The following SYDE1 variants were observed in gnomAD, a reference collection of about 807,000 sequenced individuals.
The protein encoded by SYDE1 is rho GTPase-activating protein SYDE1.
A neutral mutation model predicts 63.3 loss-of-function variants in SYDE1; 34 were observed. That is an observed-to-expected ratio of 0.54 (90% CI 0.41 to 0.71). The LOEUF (loss-of-function observed/expected upper bound fraction) is 0.71. Among genes scored for constraint, SYDE1 ranks in the 30% least tolerant of loss-of-function variants. SYDE1 has a pLI of 0.00. For synonymous variants in SYDE1, 467 were observed against 473.4 expected (o/e 0.99, Z 0.18); for missense variants, 925 against 1,042.5 (o/e 0.89, Z 1.55).
In SYDE1 at chr19:15,109,607, A is replaced by G; in HGVS notation, c.431-97A>G. ...TCACACCCTCCTCCCCGCCAGGGGA[A>G]CACCAGCCTCACACTCCTTCCCTTC... is the stretch of plus-strand genomic sequence containing the variant. On this transcript the variant is annotated intron_variant, in intron 2 of 7. Coordinates refer to ENST00000342784, the MANE Select transcript of SYDE1 (RefSeq NM_033025.6). This position sits in a 1 kb window ranked among gnomAD's most constrained non-coding sequence, Gnocchi z 5.0. 1.1e-6 allele frequency: 1 copy of G among 883,526 alleles called. No homozygotes were observed. Among genetic ancestry groups the G allele is most frequent in the Non-Finnish European group, 1.7e-6 (1 of 598,664 alleles). The allele number at this position is 883,526 out of a possible 1,614,324, so 54.7% of individuals were successfully genotyped here. A position where few individuals can be genotyped will look rare whatever the true frequency, so the allele number is the denominator to read the frequency against.
Position 15,114,507 on chromosome 19 carries a change from T to C in SYDE1, c.*544T>C, listed in dbSNP as rs763814764. 6 of 157,270 alleles carry C rather than the reference T, an allele frequency of 3.8e-5. No homozygotes were observed. Among genetic ancestry groups the C allele is most frequent in the Non-Finnish European group, 7.0e-5 (5 of 71,092 alleles). 9.7% of individuals were successfully genotyped at this position (157,270 alleles called of 1,614,324 possible). On this transcript the variant is annotated 3_prime_UTR_variant, in exon 8 of 8. Transcript: ENST00000342784. ...GGACACAGGGGTAGCCTGGGGCTTA[T>C]AGAGAAACAGCTGGTTTCCCCTACC...
Position 15,113,640 on chromosome 19 carries a change from G to A in SYDE1, c.1885G>A (p.Ala629Thr). Residue 629 changes from alanine to threonine, a missense_variant, in exon 8 of 8, where the codon GCA becomes ACA. Physicochemically the swap from Ala to Thr is moderately conservative, Grantham distance 58. Around this residue, in one of 3 missense-constraint regions of SYDE1, gnomAD observed 255 missense variants for 255.9 expected, o/e 1.00. Transcript: ENST00000342784. ...KRQPPLHLPL[A>T]DPEVVTRPRG... ...ACAGCCACCTCTGCACCTGCCGCTG[G>A]CAGACCCCGAAGTGGTGACTCGGCC... is the stretch of plus-strand genomic sequence containing the variant. 6.2e-7 allele frequency: 1 copy of A among 1,611,882 alleles called. No individual in the cohort carries two copies. The highest frequency in any genetic ancestry group is 8.5e-7 in the Non-Finnish European group (1 of 1,179,030).
At position 15,114,676 on chromosome 19, in the gene SYDE1, G is replaced by A. The variant is rs2046373500; in HGVS notation, c.*713G>A. On this transcript the variant is annotated 3_prime_UTR_variant, in exon 8 of 8. Transcript: ENST00000342784. ...GCACTTAAACCCCTCCCTTTTGGAG[G>A]GGGCCCCCTGAAGCGTCAGGCTGGG... 1 of 141,632 alleles carries A rather than the reference G, an allele frequency of 7.1e-6. No homozygotes were observed. Among genetic ancestry groups the A allele is most frequent in the Non-Finnish European group, 1.5e-5 (1 of 66,906 alleles). 8.8% of individuals were successfully genotyped at this position (141,632 alleles called of 1,614,324 possible).
Position 15,108,780 on chromosome 19 carries a change from C to A in SYDE1, c.89-276C>A. The A allele has an allele frequency of 2.6e-6, 1 of 385,448 alleles. No homozygotes were observed. The allele number at this position is 385,448 out of a possible 1,614,324, so 23.9% of individuals were successfully genotyped here. ...AGTGGAGACTGGAACGCAGTACCTA[C>A]GGGCCCCAGGAAGCCTGACTTAGAA... is the stretch of plus-strand genomic sequence containing the variant. On this transcript the variant is annotated intron_variant, in intron 1 of 7. Coordinates refer to ENST00000342784, the MANE Select transcript of SYDE1 (RefSeq NM_033025.6). The surrounding 1 kb of genome is among the most constrained non-coding windows in gnomAD (Gnocchi z 4.3).
Position 15,113,562 on chromosome 19 carries a change from C to A in SYDE1, c.1807C>A (p.Pro603Thr). The A allele has an allele frequency of 6.5e-7, 1 of 1,546,222 alleles. No individual in the cohort carries two copies. Among genetic ancestry groups the A allele is most frequent in the Non-Finnish European group, 8.7e-7 (1 of 1,146,378 alleles). Residue 603 changes from proline to threonine, a missense_variant and splice_region_variant, in exon 8 of 8, where the codon CCC (proline) becomes ACC (threonine). Coordinates refer to ENST00000342784, the MANE Select transcript of SYDE1 (RefSeq NM_033025.6). ...TGACCTACCCTGTCTCCCTTCAGAT[C>A]CCCGCCTGCCCCGACAATCTCCAGA... ...LHYLLQSWPD[P>T]RLPRQSPDVA...
Position 15,110,323 on chromosome 19 carries a change from C to T in SYDE1, c.1050C>T (p.Thr350=). 7.0e-7 allele frequency: 1 copy of T among 1,427,890 alleles called. No individual in the cohort carries two copies. The highest frequency in any genetic ancestry group is 9.2e-7 in the Non-Finnish European group (1 of 1,092,434). 88.5% of individuals were successfully genotyped at this position (1,427,890 alleles called of 1,614,324 possible). Residue 350 remains threonine (T), a synonymous_variant, in exon 3 of 8, where the codon ACC becomes ACT. Coordinates refer to ENST00000342784, the MANE Select transcript of SYDE1 (RefSeq NM_033025.6). This position sits in a 1 kb window ranked among gnomAD's most constrained non-coding sequence, Gnocchi z 6.9. ...GGCACCGGCCCTGTGCCCAGGGCAC[C>T]GTGCTGCTGCCCACGGTCTTCCGAG... The part of the protein sequence containing the change: ...VRRHRPCAQG[T]VLLPTVFRGC...
chr19:15,110,136 A>T lies in SYDE1; in HGVS notation c.863A>T (p.Asp288Val), dbSNP rs1195955813. 3 of 1,405,920 alleles carry T rather than the reference A, an allele frequency of 2.1e-6. No homozygotes were observed. The Admixed American group carries it at 9.8e-5, about 46-fold the overall frequency. The allele number at this position is 1,405,920 out of a possible 1,614,324, so 87.1% of individuals were successfully genotyped here. The change falls in exon 3 of 8, where the codon GAC becomes GTC. Residue 288 changes from aspartate to valine, a missense_variant. By Grantham distance (152) the Asp-to-Val change is radical (BLOSUM62 -3). Coordinates refer to ENST00000342784, the MANE Select transcript of SYDE1 (RefSeq NM_033025.6). This position sits in a 1 kb window ranked among gnomAD's most constrained non-coding sequence, Gnocchi z 6.9. ...LRPAPGATPR[D>V]LCCLLQVDGE... ...CCAGCGCCGGGGGCCACCCCCAGGGACCTCTGCTGCCTACTGCAAGTGGAT... is the reference window on the plus strand; with the variant it reads ...CCAGCGCCGGGGGCCACCCCCAGGGTCCTCTGCTGCCTACTGCAAGTGGAT...
In SYDE1 at chr19:15,109,173, G is replaced by A. The variant is rs373565036; in HGVS notation, c.206G>A (p.Arg69Gln). Residue 69 changes from arginine to glutamine, a missense_variant, in exon 2 of 8, where the codon CGG becomes CAG. Physicochemically the swap from Arg to Gln is conservative, Grantham distance 43. Coordinates refer to ENST00000342784, the MANE Select transcript of SYDE1 (RefSeq NM_033025.6). This position sits in a 1 kb window ranked among gnomAD's most constrained non-coding sequence, Gnocchi z 5.0. ...SSPEASRSPA[R>Q]GAYLQSLEPS... is the part of the protein sequence containing the mutation. ...CCCGAGGCATCAAGGAGCCCTGCAC[G>A]GGGAGCCTACCTGCAAAGCCTGGAG... is the stretch of plus-strand genomic sequence containing the variant. 2.3e-5 allele frequency: 35 copies of A among 1,555,530 alleles called. No individual in the cohort carries two copies. Among genetic ancestry groups the A allele is most frequent in the East Asian group, 2.2e-4 (9 of 41,534 alleles).
rs575526773 is a variant in SYDE1 at position 15,114,118 on chromosome 19, C to T, written c.*155C>T. Reference sequence around the variant, plus strand: ...GGACCAGTCGCGTGTATGGCTGAGACTCATTCCCAGTTTCCAGGGCCCGGT... The same window carrying T: ...GGACCAGTCGCGTGTATGGCTGAGATTCATTCCCAGTTTCCAGGGCCCGGT... On this transcript the variant is annotated 3_prime_UTR_variant, in exon 8 of 8. Coordinates refer to ENST00000342784, the MANE Select transcript of SYDE1 (RefSeq NM_033025.6). 498 of 725,280 alleles carry T rather than the reference C, an allele frequency of 6.9e-4. 2 individuals carry two copies. The highest frequency in any genetic ancestry group is 1.7e-3 in the South Asian group (95 of 54,956). The allele number at this position is 725,280 out of a possible 1,614,324, so 44.9% of individuals were successfully genotyped here. A position where few individuals can be genotyped will look rare whatever the true frequency, so the allele number is the denominator to read the frequency against.
Position 15,113,690 on chromosome 19 carries a change from C to T in SYDE1, c.1935C>T (p.Ser645=), listed in dbSNP as rs755179256. Residue 645 remains serine (S), a synonymous_variant, in exon 8 of 8, where the codon AGC becomes AGT. Coordinates refer to ENST00000342784, the MANE Select transcript of SYDE1 (RefSeq NM_033025.6). The part of the protein sequence containing the change: ...TRPRGRGGPE[S]PPSNRYAGDW... ...CCCGCGGTCGAGGAGGCCCCGAAAG[C>T]CCCCCGAGCAACCGCTACGCCGGCG... The T allele has an allele frequency of 1.8e-5, 29 of 1,613,244 alleles. No individual in the cohort carries two copies. The highest frequency in any genetic ancestry group is 8.0e-5 in the African/African-American group (6 of 74,956).
rs1393648783 is a variant in SYDE1, at chr19:15,109,655, C to T, written c.431-49C>T. On this transcript the variant is annotated intron_variant, in intron 2 of 7. Coordinates refer to ENST00000342784, the MANE Select transcript of SYDE1 (RefSeq NM_033025.6). The surrounding 1 kb of genome is among the most constrained non-coding windows in gnomAD (Gnocchi z 5.0). ...TTCAGGGGAGCACCAGCCTCACCCC[C>T]CTCCCCTAAGCCCAGGTTCCTGGAC... The T allele has an allele frequency of 1.7e-6, 2 of 1,193,750 alleles. No homozygotes were observed. Among genetic ancestry groups the T allele is most frequent in the Admixed American group, 2.8e-5 (1 of 35,534 alleles). The allele number at this position is 1,193,750 out of a possible 1,614,324, so 73.9% of individuals were successfully genotyped here. A position where few individuals can be genotyped will look rare whatever the true frequency, so the allele number is the denominator to read the frequency against.
Position 15,109,070 on chromosome 19 carries a change from C to CGCCCAGA in SYDE1, c.110_116dup (p.Ser39ArgfsTer44). 6.7e-7 allele frequency: 1 copy of CGCCCAGA among 1,501,638 alleles called. No individual in the cohort carries two copies. The highest frequency in any genetic ancestry group is 8.9e-7 in the Non-Finnish European group (1 of 1,129,484). The allele number at this position is 1,501,638 out of a possible 1,614,324, so 93.0% of individuals were successfully genotyped here. Reference sequence around the variant, plus strand: ...CTCTCTGCCAGGCCACCCAGCCCAGCGCCCAGAGCCCAGCCCTCCAGAGCC... The same window carrying CGCCCAGA: ...CTCTCTGCCAGGCCACCCAGCCCAGCGCCCAGAGCCCAGAGCCCAGCCCTCCAGAGCC... On this transcript the variant is annotated frameshift_variant, in exon 2 of 8. Transcript: ENST00000342784. LOFTEE classifies it high-confidence loss of function. This position sits in a 1 kb window ranked among gnomAD's most constrained non-coding sequence, Gnocchi z 5.0.
In SYDE1 at chr19:15,110,727, G is replaced by T. The variant is rs1331971647; in HGVS notation, c.1282G>T (p.Gly428Trp). 6.4e-7 allele frequency: 1 copy of T among 1,552,382 alleles called. No homozygotes were observed. Reference sequence around the variant, plus strand: ...GTGCGTTGGGCAGATCGAGCGCCGAGGGCTGCGGGTGAGCACCCACCCCAC... The same window carrying T: ...GTGCGTTGGGCAGATCGAGCGCCGATGGCTGCGGGTGAGCACCCACCCCAC... ...QKCVGQIERR[G>W]LRVVGLYRLC... Residue 428 changes from glycine (G) to tryptophan (W), a missense_variant, in exon 4 of 8, where the codon GGG (glycine) becomes TGG (tryptophan). Transcript: ENST00000342784. The surrounding 1 kb of genome is among the most constrained non-coding windows in gnomAD (Gnocchi z 6.9).
Position 15,109,071 on chromosome 19 carries a change from G to GCCCAGAGCCCAGCCC in SYDE1, c.105_119dup (p.Ser39_Pro43dup), listed in dbSNP as rs1241556566. 2.2e-5 allele frequency: 33 copies of GCCCAGAGCCCAGCCC among 1,507,518 alleles called. No homozygotes were observed. The highest frequency in any genetic ancestry group is 2.9e-5 in the Non-Finnish European group (33 of 1,131,914). The allele number at this position is 1,507,518 out of a possible 1,614,324, so 93.4% of individuals were successfully genotyped here. A position where few individuals can be genotyped will look rare whatever the true frequency, so the allele number is the denominator to read the frequency against. ...TCTCTGCCAGGCCACCCAGCCCAGC[G>GCCCAGAGCCCAGCCC]CCCAGAGCCCAGCCCTCCAGAGCCA... On this transcript the variant is annotated inframe_insertion, in exon 2 of 8. Coordinates refer to ENST00000342784, the MANE Select transcript of SYDE1 (RefSeq NM_033025.6). The surrounding 1 kb of genome is among the most constrained non-coding windows in gnomAD (Gnocchi z 5.0).
chr19:15,109,375 G>A lies in SYDE1; in HGVS notation c.408G>A (p.Glu136=). 1 of 1,562,976 alleles carries A rather than the reference G, an allele frequency of 6.4e-7. No homozygotes were observed. The highest frequency in any genetic ancestry group is 8.7e-7 in the Non-Finnish European group (1 of 1,155,282). The change falls in exon 2 of 8, where the codon GAG becomes GAA. Residue 136 remains glutamate, a synonymous_variant. Coordinates refer to ENST00000342784, the MANE Select transcript of SYDE1 (RefSeq NM_033025.6). The surrounding 1 kb of genome is among the most constrained non-coding windows in gnomAD (Gnocchi z 5.0). The stretch of plus-strand genomic sequence containing the variant: ...CGGGGCCACAGCCTGGCTCAGCTGA[G>A]TCAGAGGGCCTGGCCCCCCAAGGTA... The part of the protein sequence containing the change: ...EPPGPQPGSA[E]SEGLAPQGAA...
chr19:15,108,823 TGG>T lies in SYDE1; in HGVS notation c.89-232_89-231del. 1 of 507,216 alleles carries T rather than the reference TGG, an allele frequency of 2.0e-6. No individual in the cohort carries two copies. The highest frequency in any genetic ancestry group is 5.9e-5 in the South Asian group (1 of 17,032). The allele number at this position is 507,216 out of a possible 1,614,324, so 31.4% of individuals were successfully genotyped here. On this transcript the variant is annotated intron_variant, in intron 1 of 7. Transcript: ENST00000342784. This position sits in a 1 kb window ranked among gnomAD's most constrained non-coding sequence, Gnocchi z 4.3. ...ACTTAGAACCCTGAGGCTGCAGGGATGGAGTCCCCTTTTGGGATGCCAGGGAC... is the reference window on the plus strand; with the variant it reads ...ACTTAGAACCCTGAGGCTGCAGGGATAGTCCCCTTTTGGGATGCCAGGGAC...
chr19:15,111,905 C>A lies in SYDE1; in HGVS notation c.1578+113C>A, dbSNP rs1294616631. 5 of 1,096,690 alleles carry A rather than the reference C, an allele frequency of 4.6e-6. No individual in the cohort carries two copies. The East Asian group carries it at 1.3e-4, about 29-fold the overall frequency. The allele number at this position is 1,096,690 out of a possible 1,614,324, so 67.9% of individuals were successfully genotyped here. ...ATGAGCTGGCAGCATCATCATATCC[C>A]CAAGAAATAGGTGCTATTAGCATCC... On this transcript the variant is annotated intron_variant, in intron 6 of 7. Coordinates refer to ENST00000342784, the MANE Select transcript of SYDE1 (RefSeq NM_033025.6). This position sits in a 1 kb window ranked among gnomAD's most constrained non-coding sequence, Gnocchi z 5.5.
In SYDE1 at chr19:15,113,786, C is replaced by T. The variant is rs771655341; in HGVS notation, c.2031C>T (p.His677=). The part of the protein sequence containing the change: ...RDFLSGPDYD[H]VTGSDSEDED... ...TCCTGTCCGGGCCAGACTACGACCA[C>T]GTGACGGGCAGTGACAGCGAGGACG... is the stretch of plus-strand genomic sequence containing the variant. The change falls in exon 8 of 8, where the codon CAC becomes CAT. Residue 677 remains histidine, a synonymous_variant. Transcript: ENST00000342784. 1.9e-6 allele frequency: 3 copies of T among 1,614,038 alleles called. No individual in the cohort carries two copies. Among genetic ancestry groups the T allele is most frequent in the African/African-American group, 2.7e-5 (2 of 74,962 alleles).
rs771897831 is a variant in SYDE1 at position 15,111,292 on chromosome 19, ACT to A, written c.1291-14_1291-13del. ...CTGTGGCCCCGGCAAGAAGACATTC[ACT>A]CTCTCTTCCCACCCCCAGGTAGTGG... is the stretch of plus-strand genomic sequence containing the variant. On this transcript the variant is annotated intron_variant, in intron 4 of 7. Coordinates refer to ENST00000342784, the MANE Select transcript of SYDE1 (RefSeq NM_033025.6). This position sits in a 1 kb window ranked among gnomAD's most constrained non-coding sequence, Gnocchi z 5.5. 6.8e-6 allele frequency: 11 copies of A among 1,612,900 alleles called. No homozygotes were observed. The highest frequency in any genetic ancestry group is 4.0e-5 in the African/African-American group (3 of 74,694).
Sources: allele counts gnomAD v4.1 joint callset, GRCh38; gene constraint gnomAD v4.1.1; regional missense constraint gnomAD v4.1.1; non-coding constraint Gnocchi (gnomAD v3.1); transcripts MANE v1.5; gene names NCBI Gene and HGNC (gene_info 2026-07-23, HGNC 2026-07-21).